The following PRDM16 variants were observed in gnomAD, a reference collection of about 807,000 sequenced individuals.
PRDM16 encodes the protein histone-lysine N-methyltransferase PRDM16.
Under a neutral mutation model 110.6 loss-of-function variants are expected in PRDM16, and 23 were observed. The observed-to-expected ratio is 0.21, with a 90% CI of 0.15 to 0.29. PRDM16 has a LOEUF of 0.29. PRDM16 is among the 10% of genes least tolerant of loss of function. The pLI, the probability that PRDM16 is intolerant of heterozygous loss-of-function variation, is 1.00. For missense variants in PRDM16, 1,615 were observed against 1,794.3 expected, an observed-to-expected ratio of 0.90 and a Z score of 1.81; for synonymous variants, 799 against 781.8, an observed-to-expected ratio of 1.02 and a Z score of -0.37.
Position 3,243,512 on chromosome 1 carries a change from C to T in PRDM16, c.388-575C>T, listed in dbSNP as rs1363488818. 1.3e-5 allele frequency among the ~76,000 whole-genome samples: 2 copies of T among 152,214 alleles called. No individual in the cohort carries two copies. Among genetic ancestry groups the T allele is most frequent in the African/African-American group, 4.8e-5 (2 of 41,460 alleles). The stretch of plus-strand genomic sequence containing the variant: ...CGCCCGCCGCTGTCTCCTGGGACCG[C>T]TGGGCAGAGTCCAGCTCCCCCCGAC... On this transcript the variant is annotated intron_variant, in intron 2 of 16. Transcript: ENST00000270722. This position sits in a 1 kb window ranked among gnomAD's most constrained non-coding sequence, Gnocchi z 5.5.
chr1:3,307,117 T>C (rs1641333781), intron 3 of PRDM16: 1 of 152,272 alleles, frequency 6.6e-6, no homozygotes, highest in Non-Finnish European at 1.5e-5. Context: ...TTTTTGATGT[T>C]ATGAATCATG....
intron 3 of PRDM16, among the ~76,000 whole-genome samples, chr1:3,316,438 G>A (rs192416974): frequency 3.9e-5 from 6 of 152,358 alleles, no homozygotes; most frequent in East Asian, 1.9e-4. Flanking sequence ...CTTATGAAGT[G>A]CCAATGGTAT....
intron 3 of PRDM16, among the ~76,000 whole-genome samples, chr1:3,336,576 GTC>G (rs1272986873): frequency 2.6e-5 from 4 of 151,432 alleles, no homozygotes; most frequent in African/African-American, 4.9e-5. Flanking sequence ...GTTGGTGTGA[GTC>G]TGAGTGCATG....
intron 3 of PRDM16, among the ~76,000 whole-genome samples, chr1:3,299,748 G>A (rs1358431922): frequency 3.1e-5 from 3 of 97,584 alleles, no homozygotes; most frequent in African/African-American, 3.7e-5. Flanking sequence ...GATCCCAGTC[G>A]TGGTGACTCT....
At chr1:3,284,725 G>A (rs1399827631) in intron 3 of PRDM16, among the ~76,000 whole-genome samples, 1 of 152,262 alleles carries the variant, frequency 6.6e-6, no homozygotes, top group Non-Finnish European at 1.5e-5. Context: ...AGGATAAGGG[G>A]TGTTGCTTCT....
At chr1:3,261,897 A>C (rs933187856) in intron 3 of PRDM16, among the ~76,000 whole-genome samples, 1 of 152,202 alleles carries the variant, frequency 6.6e-6, no homozygotes, top group African/African-American at 2.4e-5. Flanking sequence ...CCCATGGGCC[A>C]TGAGGCAATA....
intron 2 of PRDM16, among the ~76,000 whole-genome samples, chr1:3,221,735 G>A (rs1443322788): frequency 1.3e-5 from 2 of 152,226 alleles, no homozygotes; most frequent in African/African-American, 4.8e-5. Flanking sequence ...ACATACACAT[G>A]CACAGACGCA....
Position 3,384,422 on chromosome 1 carries a change from G to A in PRDM16, c.439-730G>A, listed in dbSNP as rs547922100. Among the ~76,000 whole-genome samples the A allele has an allele frequency of 5.3e-5, 8 of 152,314 alleles. No individual in the cohort carries two copies. The South Asian group carries it at 1.5e-3, about 28-fold the overall frequency. ...TGGTCAGGCTGTTTGAGGGGACACC[G>A]TCTCTCCACAGTGGACAGCAGGTCA... is the stretch of plus-strand genomic sequence containing the variant. On this transcript the variant is annotated intron_variant, in intron 3 of 16. Transcript: ENST00000270722.
intron 1 of PRDM16, among the ~76,000 whole-genome samples, chr1:3,159,234 T>C (rs1643880654): frequency 6.6e-6 from 1 of 152,234 alleles, no homozygotes; most frequent in South Asian, 2.1e-4. Flanking sequence ...ACCTGAGCTG[T>C]GTGTTACCGG....
chr1:3,350,080 C>T lies in PRDM16; in HGVS notation c.439-35072C>T, dbSNP rs1446516761. 1.3e-5 allele frequency among the ~76,000 whole-genome samples: 2 copies of T among 152,200 alleles called. No individual in the cohort carries two copies. The highest frequency in any genetic ancestry group is 2.9e-5 in the Non-Finnish European group (2 of 68,044). On this transcript the variant is annotated intron_variant, in intron 3 of 16. Coordinates refer to ENST00000270722, the MANE Select transcript of PRDM16 (RefSeq NM_022114.4). The surrounding 1 kb of genome is among the most constrained non-coding windows in gnomAD (Gnocchi z 7.1). Reference sequence around the variant, plus strand: ...GGGGCCAGGTGCAGTGGCCCAAAATCCCAGCACCTTGGGAGGCCAAGGCGG... The same window carrying T: ...GGGGCCAGGTGCAGTGGCCCAAAATTCCAGCACCTTGGGAGGCCAAGGCGG...
chr1:3,249,439 T>C (rs1356497609), intron 3 of PRDM16, among the ~76,000 whole-genome samples: 1 of 151,708 alleles, frequency 6.6e-6, no homozygotes, highest in Non-Finnish European at 1.5e-5. Context: ...GTGAGTGAGG[T>C]TCAGACCGCC....
chr1:3,217,665 C>T (rs1639060999), intron 2 of PRDM16, among the ~76,000 whole-genome samples: 1 of 152,212 alleles, frequency 6.6e-6, no homozygotes, highest in Non-Finnish European at 1.5e-5. Context: ...AGCGTTTTCA[C>T]TCACGGCCCT....
intron 2 of PRDM16, among the ~76,000 whole-genome samples, chr1:3,215,128 A>G (rs1255750876): frequency 6.6e-6 from 1 of 152,126 alleles, no homozygotes; most frequent in Non-Finnish European, 1.5e-5. Context: ...TCCTGATGTC[A>G]GTGTTGGGCT....
rs540619095 is a variant in PRDM16, at chr1:3,142,791, T to A, written c.38-43334T>A. 3.9e-5 allele frequency among the ~76,000 whole-genome samples: 6 copies of A among 152,224 alleles called. 1 individual carries two copies. In the South Asian group the frequency reaches 1.2e-3, roughly 32 times the overall value. On this transcript the variant is annotated intron_variant, in intron 1 of 16. Transcript: ENST00000270722. ...CCGCCAAGCTGTGAGGGGAGGCATC[T>A]GGAAGGGGCAAAGGGGTCCAGGAGG...
intron 3 of PRDM16, among the ~76,000 whole-genome samples, chr1:3,262,186 A>G (rs987785953): frequency 6.6e-6 from 1 of 152,238 alleles, no homozygotes; most frequent in Non-Finnish European, 1.5e-5. Context: ...CATTGAACCC[A>G]GGTGCTCTGG....
intron 3 of PRDM16, among the ~76,000 whole-genome samples, chr1:3,381,976 G>A (rs1002246200): frequency 6.6e-6 from 1 of 152,192 alleles, no homozygotes; most frequent in Non-Finnish European, 1.5e-5. Flanking sequence ...GGTGAGGGAG[G>A]GGGGGCCTCG....
intron 3 of PRDM16, among the ~76,000 whole-genome samples, chr1:3,261,152 G>A (rs1162912438): frequency 6.6e-6 from 1 of 151,470 alleles, no homozygotes; most frequent in Non-Finnish European, 1.5e-5. Flanking sequence ...ACAGGAAGAG[G>A]CAGAAAGAAA....
intron 3 of PRDM16, among the ~76,000 whole-genome samples, chr1:3,275,815 C>T (rs549506811): frequency 2.4e-4 from 36 of 152,164 alleles, no homozygotes; most frequent in Non-Finnish European, 4.3e-4. Flanking sequence ...GAGAGCCGTG[C>T]ACATCCAGCG....
chr1:3,228,639 C>T (rs114784476), intron 2 of PRDM16, among the ~76,000 whole-genome samples: 1,854 of 152,298 alleles, frequency 0.012, 35 homozygotes, highest in African/African-American at 0.041. Flanking sequence ...AGCTGTGGAA[C>T]GCAGGGCTTC....
Sources: gnomAD v4.1 joint callset for allele counts (sites outside exome capture counted in the v4.1 genomes callset) on GRCh38, gnomAD v4.1.1 for gene constraint, Gnocchi (gnomAD v3.1) non-coding constraint, MANE v1.5 for transcripts, NCBI Gene and HGNC (gene_info 2026-07-23, HGNC 2026-07-21) for gene names.